CD164: variants seen among roughly 807,000 people sequenced by gnomAD.
The protein encoded by CD164 is sialomucin core protein 24.
Under a neutral mutation model 24.6 loss-of-function variants are expected in CD164, and 11 were observed. That is an observed-to-expected ratio of 0.45 (90% CI 0.28 to 0.74). CD164 has a LOEUF of 0.74. Among genes scored for constraint, CD164 ranks in the 30% least tolerant of loss-of-function variants. The pLI is 0.13. For missense variants in CD164, 295 were observed against 243.7 expected (o/e 1.21, Z -1.40); for synonymous variants, 126 against 100.3 (o/e 1.26, Z -1.53).
intron 4 of CD164, among the ~76,000 whole-genome samples, chr6:109,373,568 G>A (rs1367857183): frequency 6.6e-6 from 1 of 152,194 alleles, no homozygotes; most frequent in African/African-American, 2.4e-5. Flanking sequence ...CCAGGGTGGA[G>A]AAAGCTGCAG....
chr6:109,375,490 G>A (rs968810455), intron 4 of CD164, among the ~76,000 whole-genome samples: 5 of 152,006 alleles, frequency 3.3e-5, no homozygotes, highest in African/African-American at 9.6e-5. Context: ...GATGGCAGGT[G>A]CCTGTAATCC....
At chr6:109,378,600 T>C (rs779082660) in intron 2 of CD164, among the ~76,000 whole-genome samples, 1 of 152,172 alleles carries the variant, frequency 6.6e-6, no homozygotes, top group African/African-American at 2.4e-5. Flanking sequence ...CCTGGATAGG[T>C]AGACTTGGAA....
chr6:109,378,795 C>T (rs541648181), intron 2 of CD164, among the ~76,000 whole-genome samples: 6 of 151,900 alleles, frequency 3.9e-5, no homozygotes, highest in African/African-American at 7.2e-5. Context: ...TTAGTTAATA[C>T]CTTAAAGAGC....
intron 4 of CD164, chr6:109,370,892 G>A (rs1362229085): frequency 1.2e-5 from 2 of 163,484 alleles, no homozygotes; most frequent in South Asian, 1.7e-4. Flanking sequence ...CTTCACTTCA[G>A]GAGTTGGCAA....
chr6:109,369,796 A>G (rs1770976931), intron 5 of CD164, among the ~76,000 whole-genome samples: 1 of 152,224 alleles, frequency 6.6e-6, no homozygotes, highest in Non-Finnish European at 1.5e-5. Context: ...GAAATCACAA[A>G]AAGCAGGTAG....
intron 1 of CD164, chr6:109,381,931 T>G: frequency 2.5e-6 from 1 of 397,646 alleles, no homozygotes; most frequent in Non-Finnish European, 4.5e-6. Flanking sequence ...GATGCACTTT[T>G]AAAAGGCACC....
Position 109,368,310 on chromosome 6 carries a change from G to A in CD164, c.*541C>T, listed in dbSNP as rs1432364801. ...CTTTAAATCTGGAATGTAGTTCCTT[G>A]TGTGGCATCTTATTTCTAATGTAGA... On this transcript the variant is annotated 3_prime_UTR_variant, in exon 6 of 6. Coordinates refer to ENST00000310786, the MANE Select transcript of CD164 (RefSeq NM_006016.6). The A allele has an allele frequency of 6.5e-7, 1 of 1,541,808 alleles. No homozygotes were observed. The highest frequency in any genetic ancestry group is 2.5e-5 in the East Asian group (1 of 40,484).
In CD164 at chr6:109,382,269, G is replaced by A. The variant is rs1771811143; in HGVS notation, c.110C>T (p.Ala37Val). 1.3e-6 allele frequency: 2 copies of A among 1,590,016 alleles called. No homozygotes were observed. The highest frequency in any genetic ancestry group is 8.5e-7 in the Non-Finnish European group (1 of 1,170,730). Residue 37 changes from alanine (A) to valine (V), a missense_variant, in exon 1 of 6, where the codon GCG becomes GTG. Physicochemically the swap from Ala to Val is moderately conservative, Grantham distance 64 (BLOSUM62 0). Coordinates refer to ENST00000310786, the MANE Select transcript of CD164 (RefSeq NM_006016.6). ...CGCCGAGGTTACGTTGGAGATGGGC[G>A]CTAAAGTCGTCACGTTCGGGTGCTG... ...TTQHPNVTTL[A>V]PISNVTSAPV...
At chr6:109,380,901 T>C (rs1771699429) in intron 1 of CD164, among the ~76,000 whole-genome samples, 1 of 152,262 alleles carries the variant, frequency 6.6e-6, no homozygotes, top group Admixed American at 6.5e-5. Flanking sequence ...GAATTCCCAG[T>C]ATTATACTGC....
chr6:109,368,926 G>A lies in CD164; in HGVS notation c.519C>T (p.Val173=). The A allele has an allele frequency of 6.2e-7, 1 of 1,613,868 alleles. No individual in the cohort carries two copies. The highest frequency in any genetic ancestry group is 8.5e-7 in the Non-Finnish European group (1 of 1,179,908). ...AASFIGGIVL[V]LGVQAVIFFL... ...AGAAAATTACAGCCTGCACACCCAA[G>A]ACCAGGACAATTCCTCCAATGAAAC... The change falls in exon 6 of 6, where the codon GTC becomes GTT. Residue 173 remains valine (V), a synonymous_variant. Transcript: ENST00000310786.
In CD164 at chr6:109,382,413, A is replaced by G. The variant is rs897182237; in HGVS notation, c.-35T>C. 6.8e-7 allele frequency: 1 copy of G among 1,478,508 alleles called. No individual in the cohort carries two copies. Among genetic ancestry groups the G allele is most frequent in the Admixed American group, 2.2e-5 (1 of 46,182 alleles). 91.6% of individuals were successfully genotyped at this position (1,478,508 alleles called of 1,614,324 possible). On this transcript the variant is annotated 5_prime_UTR_variant, in exon 1 of 6. Coordinates refer to ENST00000310786, the MANE Select transcript of CD164 (RefSeq NM_006016.6). ...AGCGCTGGCGTTCGGGAGAAAGCTAAGGCTCGCAACGCTCAGTCAACCCCT... is the reference window on the plus strand; with the variant it reads ...AGCGCTGGCGTTCGGGAGAAAGCTAGGGCTCGCAACGCTCAGTCAACCCCT...
chr6:109,374,386 C>T (rs918457518), intron 4 of CD164, among the ~76,000 whole-genome samples: 1 of 152,112 alleles, frequency 6.6e-6, no homozygotes, highest in African/African-American at 2.4e-5. Flanking sequence ...AATTCCTCCC[C>T]TTCTCCCTAT....
chr6:109,378,045 G>A (rs562978507), intron 2 of CD164, 74 bp from the exon 3 acceptor site: 1 of 1,270,376 alleles, frequency 7.9e-7, no homozygotes, highest in South Asian at 1.2e-5. Flanking sequence ...CTGCTACTAA[G>A]CTCTATGAAA....
At chr6:109,372,105 A>G (rs1027947291) in intron 4 of CD164, 2 of 152,232 alleles carry the variant, frequency 1.3e-5, no homozygotes, top group Non-Finnish European at 2.9e-5. Flanking sequence ...AGGGTGCCAA[A>G]TAACTGTTGA....
At chr6:109,373,916 A>G (rs981708439) in intron 4 of CD164, among the ~76,000 whole-genome samples, 5 of 152,302 alleles carry the variant, frequency 3.3e-5, no homozygotes, top group East Asian at 3.9e-4. Context: ...CTACTACACA[A>G]TAACTGGCTA....
At chr6:109,376,389 C>A (rs921852812) in intron 3 of CD164, among the ~76,000 whole-genome samples, 2 of 152,210 alleles carry the variant, frequency 1.3e-5, no homozygotes, top group Non-Finnish European at 2.9e-5. Context: ...CTCTAGGAAG[C>A]ATCCTTAAAG....
Position 109,368,310 on chromosome 6 carries a change from G to C in CD164, c.*541C>G. On this transcript the variant is annotated 3_prime_UTR_variant, in exon 6 of 6. Transcript: ENST00000310786. ...CTTTAAATCTGGAATGTAGTTCCTT[G>C]TGTGGCATCTTATTTCTAATGTAGA... 6.5e-7 allele frequency: 1 copy of C among 1,541,926 alleles called. No homozygotes were observed. Among genetic ancestry groups the C allele is most frequent in the Non-Finnish European group, 8.8e-7 (1 of 1,142,554 alleles).
rs1056141029 is a variant in CD164 at position 109,366,784 on chromosome 6, G to A, written c.*2067C>T. The stretch of plus-strand genomic sequence containing the variant: ...CAAGATACTACATTGCTAAAGTTAG[G>A]GGAAAAAAGTAAAAAGGCTGTGAGT... On this transcript the variant is annotated 3_prime_UTR_variant, in exon 6 of 6. Transcript: ENST00000310786. 11 of 152,594 alleles carry A rather than the reference G, an allele frequency of 7.2e-5. No individual in the cohort carries two copies. Among genetic ancestry groups the A allele is most frequent in the African/African-American group, 2.6e-4 (11 of 41,512 alleles). 9.5% of individuals were successfully genotyped at this position (152,594 alleles called of 1,614,324 possible).
intron 1 of CD164, among the ~76,000 whole-genome samples, chr6:109,381,026 G>A (rs1051450028): frequency 3.3e-5 from 5 of 152,156 alleles, no homozygotes; most frequent in African/African-American, 1.2e-4. Context: ...AACTAGAGGA[G>A]AATTTGTAGA....
Sources: gnomAD v4.1 joint callset for allele counts (sites outside exome capture counted in the v4.1 genomes callset) on GRCh38, gnomAD v4.1.1 for gene constraint, MANE v1.5 for transcripts, NCBI Gene and HGNC (gene_info 2026-07-23, HGNC 2026-07-21) for gene names.